The following AGRN variants were observed in gnomAD, a reference collection of about 807,000 sequenced individuals.
The protein encoded by AGRN is agrin proteoglycan.
AGRN carries 106 observed loss-of-function variants against 211.0 expected under a neutral mutation model. That is an observed-to-expected ratio of 0.50 (90% CI 0.43 to 0.59). The LOEUF (loss-of-function observed/expected upper bound fraction) is 0.59. Ranked by LOEUF, AGRN falls within the 20% of genes least tolerant of loss-of-function variation. The pLI, the probability that AGRN is intolerant of heterozygous loss-of-function variation, is 0.00. For missense variants in AGRN, 3,040 were observed against 2,982.6 expected (o/e 1.02, Z -0.45); for synonymous variants, 1,525 against 1,332.5 (o/e 1.14, Z -3.15).
At chr1:1,024,294 C>T (rs1382654042) in intron 2 of AGRN, among the ~76,000 whole-genome samples, 1 of 152,030 alleles carries the variant, frequency 6.6e-6, no homozygotes, top group African/African-American at 2.4e-5. Context: ...TCTGTGTGCC[C>T]ACCCCTCCCC....
In AGRN at chr1:1,049,549, G is replaced by A. The variant is rs1645211886; in HGVS notation, c.4515-17G>A. ...TGTGGCCCCTGAGCCCTGACCCGGT[G>A]TCCCTCCTGGTGGCAGGGCGCTGGA... On this transcript the variant is annotated splice_polypyrimidine_tract_variant and intron_variant, in intron 25 of 35. Coordinates refer to ENST00000379370, the MANE Select transcript of AGRN (RefSeq NM_198576.4). 1.3e-6 allele frequency: 2 copies of A among 1,589,590 alleles called. No individual in the cohort carries two copies. The highest frequency in any genetic ancestry group is 1.1e-5 in the South Asian group (1 of 88,362).
Position 1,055,190 on chromosome 1 carries a change from C to T in AGRN, c.*209C>T, listed in dbSNP as rs1220974704. On this transcript the variant is annotated 3_prime_UTR_variant, in exon 36 of 36. Transcript: ENST00000379370. ...TGGAGGGCTCGGCGTGGATGGCAGC[C>T]TCAGGACACACACCCCTGCCTCAAG... The T allele has an allele frequency of 7.9e-6, 6 of 756,120 alleles. No homozygotes were observed. The Admixed American group carries it at 8.7e-5, about 11-fold the overall frequency. The allele number at this position is 756,120 out of a possible 1,614,324, so 46.8% of individuals were successfully genotyped here.
chr1:1,027,648 G>T (rs1352375856), intron 2 of AGRN, among the ~76,000 whole-genome samples: 1 of 152,214 alleles, frequency 6.6e-6, no homozygotes, highest in Non-Finnish European at 1.5e-5. Context: ...GGGCGGCAGT[G>T]AGGACAGGAG....
chr1:1,029,129 G>T (rs1644589614), intron 2 of AGRN, among the ~76,000 whole-genome samples: 1 of 151,920 alleles, frequency 6.6e-6, no homozygotes, highest in Non-Finnish European at 1.5e-5. Context: ...AAGGAACCGA[G>T]CCCCAGCCCC....
chr1:1,043,144 C>G (rs911464864), intron 7 of AGRN, 95 bp from the exon 8 acceptor site: 5 of 1,354,732 alleles, frequency 3.7e-6, no homozygotes, highest in African/African-American at 2.9e-5. Context: ...TCCACCATCC[C>G]CTCCCTGGAA....
chr1:1,021,531 G>A (rs940900669), intron 1 of AGRN, among the ~76,000 whole-genome samples: 1 of 152,246 alleles, frequency 6.6e-6, no homozygotes, highest in African/African-American at 2.4e-5. Context: ...GCTTCTCCCG[G>A]CTTTGTTCTC....
In AGRN at chr1:1,055,276, C is replaced by G. The variant is rs148689211; in HGVS notation, c.*295C>G. The G allele has an allele frequency of 6.6e-4, 304 of 462,348 alleles. 1 individual carries two copies. The highest frequency in any genetic ancestry group is 5.6e-3 in the African/African-American group (282 of 50,666). The allele number at this position is 462,348 out of a possible 1,614,324, so 28.6% of individuals were successfully genotyped here. ...CGGTGTCCCCGCCGGGAAGCAGCCC[C>G]GGCTCCTGAATCACCCTCGCTCCGT... On this transcript the variant is annotated 3_prime_UTR_variant, in exon 36 of 36. Transcript: ENST00000379370.
chr1:1,052,136 C>T (rs1436848398), intron 33 of AGRN: 9 of 1,246,274 alleles, frequency 7.2e-6, no homozygotes, highest in Non-Finnish European at 9.7e-6. Context: ...GGATGGGGGT[C>T]CGGCGCTATT....
In AGRN at chr1:1,020,285, G is replaced by A; in HGVS notation, c.113G>A (p.Arg38Gln). 6.8e-7 allele frequency: 1 copy of A among 1,471,734 alleles called. No individual in the cohort carries two copies. The highest frequency in any genetic ancestry group is 9.0e-7 in the Non-Finnish European group (1 of 1,111,114). 91.2% of individuals were successfully genotyped at this position (1,471,734 alleles called of 1,614,324 possible). Reference protein sequence around the residue: ...GGTCPERALERREEEANVVLT... With the variant: ...GGTCPERALEQREEEANVVLT... ...ACATGCCCGGAGCGCGCGCTGGAGC[G>A]GCGCGAGGAGGAGGCGAACGTGGTG... The change falls in exon 1 of 36, where the codon CGG becomes CAG. Residue 38 changes from arginine (R) to glutamine (Q), a missense_variant. Physicochemically the swap from Arg to Gln is conservative, Grantham distance 43 (BLOSUM62 1). Coordinates refer to ENST00000379370, the MANE Select transcript of AGRN (RefSeq NM_198576.4).
rs553239921 is a variant in AGRN at position 1,021,640 on chromosome 1, G to GC, written c.202-557dup. Among the ~76,000 whole-genome samples the GC allele has an allele frequency of 7.9e-5, 12 of 152,370 alleles. No homozygotes were observed. The South Asian group carries it at 2.5e-3, about 32-fold the overall frequency. ...CACCGTCAGAGCAGCTGCCCTCAGG[G>GC]CCCCAGGAGCTGAGAAGGTGGAGGG... On this transcript the variant is annotated intron_variant, in intron 1 of 35. Transcript: ENST00000379370.
chr1:1,044,059 C>T (rs370496342), intron 10 of AGRN, 36 bp downstream of exon 10: 3 of 1,612,474 alleles, frequency 1.9e-6, no homozygotes, highest in Non-Finnish European at 2.5e-6. Context: ...CTGCTGGGCT[C>T]TGGCTTTGGA....
chr1:1,028,329 C>T (rs977828284), intron 2 of AGRN, among the ~76,000 whole-genome samples: 3 of 142,256 alleles, frequency 2.1e-5, no homozygotes, highest in African/African-American at 5.3e-5. Context: ...CGCCCCCCCC[C>T]CCCCCCCGCC....
chr1:1,053,349 C>T (rs1271563653), intron 33 of AGRN: 10 of 988,630 alleles, frequency 1.0e-5, no homozygotes, highest in South Asian at 6.6e-5. Context: ...TCCTCGAGGT[C>T]ACGCATGTCT....
At chr1:1,025,988 G>C (rs184158099) in intron 2 of AGRN, among the ~76,000 whole-genome samples, 24 of 152,256 alleles carry the variant, frequency 1.6e-4, no homozygotes, top group African/African-American at 4.6e-4. Flanking sequence ...TTGGCCTGGG[G>C]GGGGGCTTTG....
At position 1,047,061 on chromosome 1, in the gene AGRN, G is replaced by A. The variant is rs556338882; in HGVS notation, c.3388+104G>A. On this transcript the variant is annotated intron_variant, in intron 19 of 35. Transcript: ENST00000379370. The stretch of plus-strand genomic sequence containing the variant: ...GGTCAGTGCCGGGGGTTATGGTCTT[G>A]GGACTCGGCCCCCTCAAACATGTGC... The A allele has an allele frequency of 1.5e-3, 2,326 of 1,518,482 alleles. 12 individuals are homozygous for A. Among genetic ancestry groups the A allele is most frequent in the Middle Eastern group, 6.0e-3 (26 of 4,310 alleles). 94.1% of individuals were successfully genotyped at this position (1,518,482 alleles called of 1,614,324 possible). A position where few individuals can be genotyped will look rare whatever the true frequency, so the allele number is the denominator to read the frequency against.
chr1:1,028,539 A>AATTGCC (rs1557687039), intron 2 of AGRN, among the ~76,000 whole-genome samples: 54 of 121,366 alleles, frequency 4.4e-4, no homozygotes, highest in South Asian at 9.1e-4. Flanking sequence ...CTCATGGGCC[A>AATTGCC]AGGGCACCCA....
chr1:1,049,070 A>AGGGGAC lies in AGRN; in HGVS notation c.4298+16_4298+21dup. Reference sequence around the variant, plus strand: ...CCGCGTGCAGCTCAGGTGGGCGGGGAGGGGACGGGGCCGGGGCAGCTCAGG... The same window carrying AGGGGAC: ...CCGCGTGCAGCTCAGGTGGGCGGGGAGGGGACGGGGACGGGGCCGGGGCAGCTCAGG... On this transcript the variant is annotated intron_variant, in intron 24 of 35. Transcript: ENST00000379370. The AGGGGAC allele has an allele frequency of 9.6e-7, 1 of 1,045,528 alleles. No individual in the cohort carries two copies. Among genetic ancestry groups the AGGGGAC allele is most frequent in the Non-Finnish European group, 1.3e-6 (1 of 749,418 alleles). The allele number at this position is 1,045,528 out of a possible 1,614,324, so 64.8% of individuals were successfully genotyped here.
In AGRN at chr1:1,022,282, A is replaced by G. The variant is rs1202969499; in HGVS notation, c.283A>G (p.Ser95Gly). ...GGACGGCGGCAACAAGGTGGTGATC[A>G]GCGGCTTTGGAGACCCCCTCATCTG... ...LLDGGNKVVISGFGDPLICDN... is the reference protein window; with the variant it reads ...LLDGGNKVVIGGFGDPLICDN... Residue 95 changes from serine (S) to glycine (G), a missense_variant, in exon 2 of 36, where the codon AGC (serine) becomes GGC (glycine). Around this residue, in one of 3 missense-constraint regions of AGRN, gnomAD observed 1,498 missense variants for 1,457.8 expected, o/e 1.03. Transcript: ENST00000379370. 2 of 1,613,300 alleles carry G rather than the reference A, an allele frequency of 1.2e-6. No homozygotes were observed. Among genetic ancestry groups the G allele is most frequent in the South Asian group, 2.2e-5 (2 of 91,086 alleles).
chr1:1,026,358 G>A (rs1644521355), intron 2 of AGRN, among the ~76,000 whole-genome samples: 1 of 152,188 alleles, frequency 6.6e-6, no homozygotes, highest in South Asian at 2.1e-4. Context: ...GCAAGATCAG[G>A]AGAGGGAATC....
Sources: gnomAD v4.1 joint callset for allele counts (sites outside exome capture counted in the v4.1 genomes callset) on GRCh38, gnomAD v4.1.1 for gene constraint, gnomAD v4.1.1 regional missense constraint, MANE v1.5 for transcripts, NCBI Gene and HGNC (gene_info 2026-07-23, HGNC 2026-07-21) for gene names.